YTHDC2: variants seen among roughly 807,000 people sequenced by gnomAD.
YTHDC2 encodes YTH N6-methyladenosine RNA binding protein C2.
YTHDC2 carries 45 observed loss-of-function variants against 174.9 expected under a neutral mutation model. The ratio of observed to expected loss-of-function variants is 0.26; its 90% CI spans 0.20 to 0.33. The LOEUF (loss-of-function observed/expected upper bound fraction) is 0.33, where lower values mean the gene tolerates loss of function less well. Ranked by LOEUF, YTHDC2 falls within the 10% of genes least tolerant of loss-of-function variation. YTHDC2 has a pLI of 1.00. For synonymous variants in YTHDC2, 657 were observed against 574.5 expected (o/e 1.14, Z -2.05); for missense variants, 1,650 against 1,723.7 (o/e 0.96, Z 0.76).
intron 26 of YTHDC2, among the ~76,000 whole-genome samples, chr5:113,588,643 G>A (rs1004219761): frequency 2.0e-5 from 3 of 149,354 alleles, no homozygotes; most frequent in African/African-American, 5.0e-5. Context: ...TTTTTTTTGA[G>A]ACAGAGTCTC....
intron 18 of YTHDC2, among the ~76,000 whole-genome samples, chr5:113,561,403 A>G (rs576850599): frequency 1.0e-4 from 15 of 147,896 alleles, no homozygotes; most frequent in Non-Finnish European, 1.9e-4. Context: ...TTGAATATTT[A>G]AATTATGGTA....
At chr5:113,539,654 C>T (rs10063699) in intron 8 of YTHDC2, among the ~76,000 whole-genome samples, 1 of 152,168 alleles carries the variant, frequency 6.6e-6, no homozygotes, top group African/African-American at 2.4e-5. Flanking sequence ...CTTGTAATGA[C>T]ATATTTCAGC....
At chr5:113,516,803 G>A (rs1451038186) in intron 2 of YTHDC2, among the ~76,000 whole-genome samples, 1 of 152,210 alleles carries the variant, frequency 6.6e-6, no homozygotes, top group Non-Finnish European at 1.5e-5. Context: ...TGGTCCCAAA[G>A]TGAAAGCAGC....
chr5:113,548,445 T>TGAAACTCA, intron 10 of YTHDC2, 96 bp from the exon 11 acceptor site: 1 of 1,255,202 alleles, frequency 8.0e-7, no homozygotes, highest in Non-Finnish European at 1.1e-6. Flanking sequence ...CTAATTATCC[T>TGAAACTCA]GAAACTCAGT....
At chr5:113,540,189 C>A (rs1456383335) in intron 8 of YTHDC2, among the ~76,000 whole-genome samples, 1 of 152,186 alleles carries the variant, frequency 6.6e-6, no homozygotes, top group Non-Finnish European at 1.5e-5. Context: ...CCAGCTGAAA[C>A]ATTTGAAGAT....
chr5:113,546,415 C>A (rs1242837799), intron 10 of YTHDC2, among the ~76,000 whole-genome samples: 1 of 152,190 alleles, frequency 6.6e-6, no homozygotes, highest in Non-Finnish European at 1.5e-5. Context: ...TAAAATGTTA[C>A]AGTAGCTCAA....
At chr5:113,546,305 G>A (rs1248223847) in intron 10 of YTHDC2, among the ~76,000 whole-genome samples, 1 of 152,058 alleles carries the variant, frequency 6.6e-6, no homozygotes, top group Non-Finnish European at 1.5e-5. Flanking sequence ...TTTGATTATG[G>A]TCATCCTGTG....
chr5:113,523,267 T>C (rs146419117), intron 2 of YTHDC2, among the ~76,000 whole-genome samples: 1 of 152,270 alleles, frequency 6.6e-6, no homozygotes, highest in East Asian at 1.9e-4. Context: ...GTTTTTAAAA[T>C]TAACAATTGT....
chr5:113,553,858 A>G lies in YTHDC2; in HGVS notation c.2052+4A>G, dbSNP rs1776430538. The G allele has an allele frequency of 6.3e-7, 1 of 1,584,560 alleles. No individual in the cohort carries two copies. The highest frequency in any genetic ancestry group is 8.5e-7 in the Non-Finnish European group (1 of 1,174,262). On this transcript the variant is annotated splice_donor_region_variant and intron_variant, in intron 15 of 29. Transcript: ENST00000161863. ...ACCTGCAGGTGTTCGAAAAATAGTAAGCTTCATAAAATCTTCTTTTTAACA... is the reference window on the plus strand; with the variant it reads ...ACCTGCAGGTGTTCGAAAAATAGTAGGCTTCATAAAATCTTCTTTTTAACA...
intron 26 of YTHDC2, among the ~76,000 whole-genome samples, chr5:113,588,032 T>A (rs1194431650): frequency 6.6e-6 from 1 of 152,130 alleles, no homozygotes; most frequent in Non-Finnish European, 1.5e-5. Flanking sequence ...TTTAGAATTT[T>A]AATTGCAGGT....
intron 7 of YTHDC2, among the ~76,000 whole-genome samples, chr5:113,538,759 T>C (rs139013828): frequency 9.2e-5 from 14 of 152,286 alleles, no homozygotes; most frequent in African/African-American, 3.4e-4. Flanking sequence ...TCTCTTCCAC[T>C]AGCTTGCCTC....
intron 3 of YTHDC2, 72 bp downstream of exon 3, chr5:113,525,249 A>G (rs1047496536): frequency 7.9e-7 from 1 of 1,259,156 alleles, no homozygotes; most frequent in Admixed American, 2.8e-5. Context: ...TTTTAGATTT[A>G]TTTTCGAAAA....
Position 113,526,685 on chromosome 5 carries a change from C to T in YTHDC2, c.575C>T (p.Ser192Phe). ...TCCGAATTTGATTCTTTTAGGCAGTCTTTACCAGTGTTTGAGAAACAGGAA... is the reference window on the plus strand; with the variant it reads ...TCCGAATTTGATTCTTTTAGGCAGTTTTTACCAGTGTTTGAGAAACAGGAA... ...GESEFDSFRQ[S>F]LPVFEKQEEI... The change falls in exon 4 of 30, where the codon TCT (serine) becomes TTT (phenylalanine). Residue 192 changes from serine to phenylalanine, a missense_variant. Around this residue, in one of 5 missense-constraint regions of YTHDC2, gnomAD observed 304 missense variants for 341.4 expected, o/e 0.89. Transcript: ENST00000161863. 1.3e-6 allele frequency: 2 copies of T among 1,596,314 alleles called. No individual in the cohort carries two copies. The highest frequency in any genetic ancestry group is 2.3e-5 in the East Asian group (1 of 43,794).
At position 113,565,948 on chromosome 5, in the gene YTHDC2, T is replaced by C; in HGVS notation, c.2771T>C (p.Phe924Ser). 6.2e-7 allele frequency: 1 copy of C among 1,613,784 alleles called. No individual in the cohort carries two copies. The change falls in exon 21 of 30, where the codon TTT (phenylalanine) becomes TCT (serine). Residue 924 changes from phenylalanine (F) to serine (S), a missense_variant. Coordinates refer to ENST00000161863, the MANE Select transcript of YTHDC2 (RefSeq NM_022828.5). The part of the protein sequence containing the change: ...GWERAFCEKN[F>S]LSQATMEIII... ...GAGCGAGCCTTTTGTGAAAAGAATT[T>C]TCTTTCACAGGCTACTATGGAAATA... is the stretch of plus-strand genomic sequence containing the variant.
intron 18 of YTHDC2, among the ~76,000 whole-genome samples, chr5:113,562,487 G>T (rs924636844): frequency 6.6e-6 from 1 of 151,970 alleles, no homozygotes; most frequent in Non-Finnish European, 1.5e-5. Flanking sequence ...GTGATTTTCT[G>T]TTCCTCCTGG....
intron 9 of YTHDC2, 88 bp from the exon 10 acceptor site, chr5:113,542,280 C>T: frequency 7.5e-7 from 1 of 1,339,992 alleles, no homozygotes; most frequent in Non-Finnish European, 1.0e-6. Flanking sequence ...GATTAGTAGT[C>T]CTGATGGCCA....
chr5:113,549,898 T>G (rs1021880038), intron 12 of YTHDC2, among the ~76,000 whole-genome samples: 7 of 151,562 alleles, frequency 4.6e-5, no homozygotes, highest in African/African-American at 1.7e-4. Flanking sequence ...AGTGAGTGTT[T>G]GTTGAATGAA....
At chr5:113,578,197 G>T (rs1047110516) in intron 23 of YTHDC2, among the ~76,000 whole-genome samples, 12 of 150,730 alleles carry the variant, frequency 8.0e-5, no homozygotes, top group Admixed American at 4.6e-4. Context: ...GTGTGTGTGT[G>T]TTTTTGTTTT....
chr5:113,576,283 T>C (rs1431230004), intron 23 of YTHDC2, among the ~76,000 whole-genome samples: 2 of 152,110 alleles, frequency 1.3e-5, no homozygotes, highest in Non-Finnish European at 2.9e-5. Context: ...TGGAGGCAAA[T>C]CTGTTTCAAG....
Sources: allele counts gnomAD v4.1 joint callset (sites outside exome capture counted in the v4.1 genomes callset), GRCh38; gene constraint gnomAD v4.1.1; regional missense constraint gnomAD v4.1.1; transcripts MANE v1.5; gene names NCBI Gene and HGNC (gene_info 2026-07-23, HGNC 2026-07-21).